NRP2: variants seen among roughly 807,000 people sequenced by gnomAD.
NRP2 encodes the protein neuropilin-2.
A neutral mutation model predicts 110.4 loss-of-function variants in NRP2; 52 were observed. That is an observed-to-expected ratio of 0.47 (90% CI 0.38 to 0.59). The LOEUF (loss-of-function observed/expected upper bound fraction) is 0.59. NRP2 is among the 20% of genes least tolerant of loss of function. The probability of loss-of-function intolerance (pLI) is 0.00; values close to 1 mark genes in which losing one functional copy is unlikely to be tolerated. For missense variants in NRP2, 1,049 were observed against 1,203.0 expected, an observed-to-expected ratio of 0.87 and a Z score of 1.89; for synonymous variants, 508 against 468.9, an observed-to-expected ratio of 1.08 and a Z score of -1.08.
chr2:205,792,515 C>T (rs2058313148), intron 16 of NRP2, among the ~76,000 whole-genome samples: 2 of 152,190 alleles, frequency 1.3e-5, no homozygotes, highest in African/African-American at 4.8e-5. Context: ...AACAGATCCC[C>T]TCTTTCCAGT....
intron 2 of NRP2, among the ~76,000 whole-genome samples, chr2:205,703,803 A>G (rs554296292): frequency 2.6e-5 from 4 of 152,342 alleles, no homozygotes; most frequent in East Asian, 3.9e-4. Flanking sequence ...GAACCAAAAT[A>G]ATTGAACATG....
chr2:205,699,515 T>A (rs1326244290), intron 2 of NRP2, among the ~76,000 whole-genome samples: 1 of 152,174 alleles, frequency 6.6e-6, no homozygotes. Context: ...AAAGCATGGC[T>A]TTTGGAAGGA....
chr2:205,687,261 G>A (rs1448487615), intron 1 of NRP2, among the ~76,000 whole-genome samples: 1 of 152,182 alleles, frequency 6.6e-6, no homozygotes, highest in Non-Finnish European at 1.5e-5. Flanking sequence ...TGACGGTCTA[G>A]GCGCCGGATA....
intron 2 of NRP2, among the ~76,000 whole-genome samples, chr2:205,711,532 G>A (rs1449275099): frequency 6.6e-6 from 1 of 152,102 alleles, no homozygotes; most frequent in Non-Finnish European, 1.5e-5. Context: ...TGCAGGCAGA[G>A]GAAAGAGCGC....
In NRP2 at chr2:205,763,522, AG is replaced by A. The variant is rs560758187; in HGVS notation, c.2045-151del. On this transcript the variant is annotated intron_variant, in intron 12 of 16. Coordinates refer to ENST00000357785, the MANE Select transcript of NRP2 (RefSeq NM_003872.3). The surrounding 1 kb of genome is among the most constrained non-coding windows in gnomAD (Gnocchi z 4.0). ...GAATCAAGGCTCTGAAGGAGCCTTAAGAAAGGGTCACAGAGCCTGGAGAACA... is the reference window on the plus strand; with the variant it reads ...GAATCAAGGCTCTGAAGGAGCCTTAAAAAGGGTCACAGAGCCTGGAGAACA... 397 of 1,023,506 alleles carry A rather than the reference AG, an allele frequency of 3.9e-4. 1 individual carries two copies. The African/African-American group carries it at 5.6e-3, about 15-fold the overall frequency. 63.4% of individuals were successfully genotyped at this position (1,023,506 alleles called of 1,614,324 possible).
chr2:205,718,878 G>A (rs2056954936), intron 3 of NRP2, among the ~76,000 whole-genome samples: 1 of 151,712 alleles, frequency 6.6e-6, no homozygotes, highest in Non-Finnish European at 1.5e-5. Flanking sequence ...GAAGGAGGAG[G>A]TGGCAGTGAG....
At chr2:205,774,387 C>T (rs1027862219) in intron 15 of NRP2, among the ~76,000 whole-genome samples, 1 of 152,074 alleles carries the variant, frequency 6.6e-6, no homozygotes, top group Non-Finnish European at 1.5e-5. Flanking sequence ...AGAGGGCAGG[C>T]AATAAGGTGG....
chr2:205,699,960 C>T (rs1339665134), intron 2 of NRP2, among the ~76,000 whole-genome samples: 2 of 151,172 alleles, frequency 1.3e-5, no homozygotes, highest in Non-Finnish European at 1.5e-5. Flanking sequence ...CCATTTCTCC[C>T]CCACTCCCCA....
At chr2:205,701,852 A>G (rs975819382) in intron 2 of NRP2, among the ~76,000 whole-genome samples, 1 of 152,346 alleles carries the variant, frequency 6.6e-6, no homozygotes, top group African/African-American at 2.4e-5. Flanking sequence ...ATTCTAAATC[A>G]TGTGCTGCAC....
At chr2:205,772,502 TTAAG>T (rs2058037818) in intron 15 of NRP2, among the ~76,000 whole-genome samples, 1 of 152,236 alleles carries the variant, frequency 6.6e-6, no homozygotes, top group South Asian at 2.1e-4. Flanking sequence ...TATTGACTAT[TTAAG>T]TATCTGTTTC....
chr2:205,744,795 A>G (rs1293076255), intron 9 of NRP2, among the ~76,000 whole-genome samples: 2 of 152,368 alleles, frequency 1.3e-5, no homozygotes, highest in Admixed American at 6.5e-5. Context: ...TCTCAACTCC[A>G]GAGGCTTAGA....
intron 14 of NRP2, 70 bp downstream of exon 14, chr2:205,765,640 GC>G: frequency 7.6e-7 from 1 of 1,321,536 alleles, no homozygotes; most frequent in African/African-American, 1.4e-5. Context: ...GCAAGAGGAG[GC>G]AGGACACCAT....
chr2:205,775,506 A>AT (rs1158758306), intron 15 of NRP2, among the ~76,000 whole-genome samples: 3 of 151,780 alleles, frequency 2.0e-5, no homozygotes, highest in East Asian at 1.9e-4. Context: ...TTGTGCCCAC[A>AT]TTTTTTTTGT....
intron 2 of NRP2, 54 bp downstream of exon 2, chr2:205,697,775 G>GC: frequency 3.3e-6 from 5 of 1,529,152 alleles, no homozygotes; most frequent in Middle Eastern, 2.0e-4. Flanking sequence ...CACACGCCCT[G>GC]CCCCCACCCC....
intron 7 of NRP2, among the ~76,000 whole-genome samples, chr2:205,733,511 C>T (rs1386217000): frequency 6.6e-6 from 1 of 152,124 alleles, no homozygotes. Context: ...GTCCCTGCTC[C>T]GGTTTGCAGA....
rs2057159868 is a variant in NRP2, at chr2:205,727,903, T to C, written c.1003T>C (p.Phe335Leu). The C allele has an allele frequency of 1.9e-6, 3 of 1,613,562 alleles. No individual in the cohort carries two copies. Among genetic ancestry groups the C allele is most frequent in the Non-Finnish European group, 2.5e-6 (3 of 1,179,850 alleles). Reference protein sequence around the residue: ...NKEYLQVDLRFLTMLTAIATQ... With the variant: ...NKEYLQVDLRLLTMLTAIATQ... ...CTCTATTCCCCAGGTGGACCTGCGC[T>C]TTTTAACCATGCTCACGGCCATCGC... The change falls in exon 7 of 17, where the codon TTT (phenylalanine) becomes CTT (leucine). Residue 335 changes from phenylalanine to leucine, a missense_variant. Coordinates refer to ENST00000357785, the MANE Select transcript of NRP2 (RefSeq NM_003872.3).
intron 15 of NRP2, among the ~76,000 whole-genome samples, chr2:205,783,025 C>G (rs2058194722): frequency 6.6e-6 from 1 of 152,178 alleles, no homozygotes; most frequent in African/African-American, 2.4e-5. Context: ...TAACCTGTCC[C>G]TGCTTGAGAG....
chr2:205,755,044 G>A (rs115506090), intron 12 of NRP2, among the ~76,000 whole-genome samples: 2,046 of 152,246 alleles, frequency 0.013, 14 homozygotes, highest in Non-Finnish European at 0.019. Flanking sequence ...CACAGCTCCA[G>A]GGGAGCTTAA....
At chr2:205,700,911 C>T (rs902942854) in intron 2 of NRP2, 1 of 341,076 alleles carries the variant, frequency 2.9e-6, no homozygotes, top group Non-Finnish European at 5.8e-6. Context: ...TACTGCTGGA[C>T]TCCTGCAGCC....
Sources: allele counts gnomAD v4.1 joint callset (sites outside exome capture counted in the v4.1 genomes callset), GRCh38; gene constraint gnomAD v4.1.1; non-coding constraint Gnocchi (gnomAD v3.1); transcripts MANE v1.5; gene names NCBI Gene and HGNC (gene_info 2026-07-23, HGNC 2026-07-21).